TMEM87B: variants seen among roughly 807,000 people sequenced by gnomAD.
TMEM87B encodes the protein transmembrane protein 87B.
TMEM87B carries 83 observed loss-of-function variants against 80.3 expected under a neutral mutation model. The ratio of observed to expected loss-of-function variants is 1.03; its 90% confidence interval spans 0.87 to 1.24. The LOEUF is 1.24. Ranked by LOEUF, TMEM87B falls within the 50% of genes most tolerant of loss-of-function variation. The pLI, the probability that TMEM87B is intolerant of heterozygous loss-of-function variation, is 0.00. For missense variants in TMEM87B, 625 were observed against 674.4 expected, an observed-to-expected ratio of 0.93 and a Z score of 0.81; for synonymous variants, 219 against 230.5, an observed-to-expected ratio of 0.95 and a Z score of 0.45.
At chr2:112,075,372 C>T (rs1000938827) in intron 5 of TMEM87B, among the ~76,000 whole-genome samples, 10 of 152,132 alleles carry the variant, frequency 6.6e-5, no homozygotes, top group African/African-American at 2.4e-4. Flanking sequence ...TAAACTTCAG[C>T]CTGGGTGACA....
intron 14 of TMEM87B, among the ~76,000 whole-genome samples, chr2:112,099,555 T>TATAC (rs1019425429): frequency 4.5e-4 from 33 of 73,568 alleles, no homozygotes; most frequent in African/African-American, 9.0e-4. Flanking sequence ...TATATATATA[T>TATAC]ACACACACAC....
intron 5 of TMEM87B, among the ~76,000 whole-genome samples, chr2:112,075,839 A>G (rs565919673): frequency 6.6e-6 from 1 of 152,326 alleles, no homozygotes; most frequent in South Asian, 2.1e-4. Context: ...TTTGTACAAA[A>G]TCTGTCATAT....
In TMEM87B at chr2:112,091,760, A is replaced by T. The variant is rs773621829; in HGVS notation, c.1081A>T (p.Ile361Phe). The change falls in exon 11 of 19, where the codon ATT becomes TTT. Residue 361 changes from isoleucine (I) to phenylalanine (F), a missense_variant. Coordinates refer to ENST00000283206, the MANE Select transcript of TMEM87B (RefSeq NM_032824.3). The stretch of plus-strand genomic sequence containing the variant: ...TCTTGATGACATTATTTTAGCAGTT[A>T]TTGACTCCATTTTTGTGTGGTTCAT... ...VVLDDIILAV[I>F]DSIFVWFIFI... The T allele has an allele frequency of 5.0e-6, 8 of 1,612,978 alleles. No homozygotes were observed. Among genetic ancestry groups the T allele is most frequent in the Non-Finnish European group, 6.8e-6 (8 of 1,179,364 alleles).
intron 7 of TMEM87B, 85 bp downstream of exon 7, chr2:112,081,203 A>G (rs1678986058): frequency 1.4e-6 from 2 of 1,452,334 alleles, no homozygotes; most frequent in Non-Finnish European, 1.9e-6. Flanking sequence ...TCAGTAGTTA[A>G]TGCTTTGACA....
chr2:112,112,649 A>G (rs575718272), intron 17 of TMEM87B, among the ~76,000 whole-genome samples: 1 of 152,368 alleles, frequency 6.6e-6, no homozygotes, highest in African/African-American at 2.4e-5. Context: ...GCTTTGCTGT[A>G]TAGTATTCCA....
chr2:112,100,168 G>A (rs1679591252), intron 14 of TMEM87B, among the ~76,000 whole-genome samples: 1 of 152,176 alleles, frequency 6.6e-6, no homozygotes, highest in Non-Finnish European at 1.5e-5. Context: ...TGACCCTCCA[G>A]AAAGGTTGTC....
At position 112,059,976 on chromosome 2, in the gene TMEM87B, G is replaced by A. The variant is rs1678194929; in HGVS notation, c.166-1G>A. 6.3e-7 allele frequency: 1 copy of A among 1,592,234 alleles called. No homozygotes were observed. The highest frequency in any genetic ancestry group is 2.3e-5 in the East Asian group (1 of 44,254). ...CTTCCTGTGTTTGTTTTTCATTTTA[G>A]AAATCAGGACCTTTGATATTTAGGA... On this transcript the variant is annotated splice_acceptor_variant, in intron 1 of 18. Transcript: ENST00000283206. LOFTEE classifies it high-confidence loss of function.
intron 15 of TMEM87B, 76 bp from the exon 16 acceptor site, chr2:112,105,926 C>G: frequency 2.9e-6 from 3 of 1,047,574 alleles, no homozygotes; most frequent in East Asian, 3.0e-5. Flanking sequence ...AGTATTTTTT[C>G]TTATCAGATT....
chr2:112,094,450 C>T (rs530626408), intron 11 of TMEM87B, among the ~76,000 whole-genome samples: 8 of 151,890 alleles, frequency 5.3e-5, no homozygotes, highest in African/African-American at 1.2e-4. Flanking sequence ...CGTGAGCCAC[C>T]GTGCCCTGCC....
chr2:112,117,555 A>G lies in TMEM87B; in HGVS notation c.*1412A>G, dbSNP rs957046347. 1 of 152,032 alleles carries G rather than the reference A, an allele frequency of 6.6e-6. No individual in the cohort carries two copies. Among genetic ancestry groups the G allele is most frequent in the East Asian group, 1.9e-4 (1 of 5,196 alleles). The allele number at this position is 152,032 out of a possible 1,614,324, so 9.4% of individuals were successfully genotyped here. A position where few individuals can be genotyped will look rare whatever the true frequency, so the allele number is the denominator to read the frequency against. On this transcript the variant is annotated 3_prime_UTR_variant, in exon 19 of 19. Transcript: ENST00000283206. ...CATATCGCTTGAAAGGTATTGGTAA[A>G]TGTGTTTTCAGTCGTGACCATGTGG...
At chr2:112,061,945 C>T (rs1257803123) in intron 2 of TMEM87B, among the ~76,000 whole-genome samples, 2 of 152,224 alleles carry the variant, frequency 1.3e-5, no homozygotes, top group African/African-American at 2.4e-5. Context: ...CCACCTGAGC[C>T]TCCTTGGTCT....
At position 112,086,191 on chromosome 2, in the gene TMEM87B, C is replaced by G. The variant is rs1679141281; in HGVS notation, c.938+87C>G. 3 of 1,048,248 alleles carry G rather than the reference C, an allele frequency of 2.9e-6. No individual in the cohort carries two copies. In the South Asian group the frequency reaches 4.5e-5, roughly 16 times the overall value. The allele number at this position is 1,048,248 out of a possible 1,614,324, so 64.9% of individuals were successfully genotyped here. A position where few individuals can be genotyped will look rare whatever the true frequency, so the allele number is the denominator to read the frequency against. On this transcript the variant is annotated intron_variant, in intron 9 of 18. Coordinates refer to ENST00000283206, the MANE Select transcript of TMEM87B (RefSeq NM_032824.3). ...TATGACCTTTGTGAAAATGGAACTTCTAAGTATTGTAGTACAAATCCCTTT... is the reference window on the plus strand; with the variant it reads ...TATGACCTTTGTGAAAATGGAACTTGTAAGTATTGTAGTACAAATCCCTTT...
At chr2:112,076,394 C>A (rs1278702293) in intron 5 of TMEM87B, among the ~76,000 whole-genome samples, 1 of 152,038 alleles carries the variant, frequency 6.6e-6, no homozygotes, top group Non-Finnish European at 1.5e-5. Flanking sequence ...GGCTGGTGTG[C>A]AGTGGTGTGA....
chr2:112,066,675 A>C (rs895844333), intron 3 of TMEM87B, among the ~76,000 whole-genome samples: 1 of 152,174 alleles, frequency 6.6e-6, no homozygotes, highest in Non-Finnish European at 1.5e-5. Context: ...GTAGTATCTT[A>C]GTCAGTTTTC....
intron 2 of TMEM87B, 85 bp from the exon 3 acceptor site, chr2:112,064,077 T>C (rs1678340682): frequency 8.4e-7 from 1 of 1,186,368 alleles, no homozygotes; most frequent in African/African-American, 1.5e-5. Flanking sequence ...AAGTAGCCTA[T>C]TTTTAATTGC....
chr2:112,085,019 G>A (rs1433643072), intron 8 of TMEM87B, among the ~76,000 whole-genome samples: 1 of 152,234 alleles, frequency 6.6e-6, no homozygotes, highest in Non-Finnish European at 1.5e-5. Context: ...AAACAAATGA[G>A]CATTGCTGTG....
intron 3 of TMEM87B, among the ~76,000 whole-genome samples, chr2:112,066,164 C>T (rs931862660): frequency 2.6e-5 from 4 of 152,136 alleles, no homozygotes; most frequent in Admixed American, 6.5e-5. Context: ...TGATTCTTGC[C>T]TGATGAGTCA....
intron 15 of TMEM87B, among the ~76,000 whole-genome samples, chr2:112,103,926 T>A (rs1679697714): frequency 6.6e-6 from 1 of 151,986 alleles, no homozygotes; most frequent in Non-Finnish European, 1.5e-5. Context: ...TAAAATAGAG[T>A]CCAGGAATAA....
intron 9 of TMEM87B, among the ~76,000 whole-genome samples, chr2:112,089,126 C>T (rs1679231202): frequency 6.6e-6 from 1 of 152,216 alleles, no homozygotes; most frequent in Non-Finnish European, 1.5e-5. Flanking sequence ...CACTCCTGTT[C>T]TGGTTAAGAG....
Sources: allele counts gnomAD v4.1 joint callset (sites outside exome capture counted in the v4.1 genomes callset), GRCh38; gene constraint gnomAD v4.1.1; transcripts MANE v1.5; gene names NCBI Gene and HGNC (gene_info 2026-07-23, HGNC 2026-07-21).